The following SLIT3 variants were observed in gnomAD, a reference collection of about 807,000 sequenced individuals.
SLIT3 encodes slit guidance ligand 3.
In SLIT3, 68 loss-of-function variants were observed where a neutral mutation model predicts 184.0. That is an observed-to-expected ratio of 0.37 (90% CI 0.30 to 0.45). SLIT3 has a LOEUF of 0.45. Ranked by LOEUF, SLIT3 falls within the 20% of genes least tolerant of loss-of-function variation. The probability of loss-of-function intolerance (pLI) is 1.00; values close to 1 mark genes in which losing one functional copy is unlikely to be tolerated. For synonymous variants in SLIT3, 831 were observed against 828.6 expected (o/e 1.00, Z -0.05); for missense variants, 1,707 against 2,026.0 (o/e 0.84, Z 3.02).
At chr5:168,741,660 C>T (rs1283815879) in intron 20 of SLIT3, among the ~76,000 whole-genome samples, 5 of 151,974 alleles carry the variant, frequency 3.3e-5, no homozygotes, top group African/African-American at 7.3e-5. Context: ...CAACACAAGG[C>T]GATACCTGAG....
At chr5:168,812,621 C>T (rs1226086164) in intron 8 of SLIT3, among the ~76,000 whole-genome samples, 1 of 152,166 alleles carries the variant, frequency 6.6e-6, no homozygotes, top group Non-Finnish European at 1.5e-5. Context: ...TTCCAGTATT[C>T]AAATTAAGCA....
At chr5:169,221,649 G>C (rs893026902) in intron 3 of SLIT3, among the ~76,000 whole-genome samples, 8 of 152,206 alleles carry the variant, frequency 5.3e-5, no homozygotes, top group African/African-American at 1.9e-4. Flanking sequence ...CTCAGGTGAT[G>C]TGTGGTGTGT....
At chr5:169,081,304 G>A (rs961554976) in intron 4 of SLIT3, among the ~76,000 whole-genome samples, 1 of 152,196 alleles carries the variant, frequency 6.6e-6, no homozygotes, top group Non-Finnish European at 1.5e-5. Flanking sequence ...GGAGAGGAAG[G>A]AGGTTTCATG....
At chr5:168,920,583 T>C (rs1761604126) in intron 4 of SLIT3, among the ~76,000 whole-genome samples, 1 of 152,296 alleles carries the variant, frequency 6.6e-6, no homozygotes, top group Non-Finnish European at 1.5e-5. Context: ...TCAGTTTTAA[T>C]GCGTCTTTCC....
intron 8 of SLIT3, 30 bp from the exon 9 acceptor site, chr5:168,806,617 A>T: frequency 6.2e-7 from 1 of 1,612,882 alleles, no homozygotes; most frequent in East Asian, 2.2e-5. Flanking sequence ...CGGTCAACTT[A>T]TGTCAGTGTC....
chr5:169,291,017 T>C lies in SLIT3; in HGVS notation c.197+9496A>G, dbSNP rs185967174. ...TGGCAGACTTTCAGGAGCCACAGGATACACTGCTGCCAAAGTGCGGAATGA... is the reference window on the plus strand; with the variant it reads ...TGGCAGACTTTCAGGAGCCACAGGACACACTGCTGCCAAAGTGCGGAATGA... On this transcript the variant is annotated intron_variant, in intron 1 of 35. Transcript: ENST00000519560. Among the ~76,000 whole-genome samples, 3 of 152,222 alleles carry C rather than the reference T, an allele frequency of 2.0e-5. No individual in the cohort carries two copies. In the East Asian group the frequency reaches 5.8e-4, roughly 29 times the overall value.
intron 4 of SLIT3, among the ~76,000 whole-genome samples, chr5:169,069,828 G>A (rs1224741219): frequency 6.6e-6 from 1 of 152,112 alleles, no homozygotes; most frequent in Non-Finnish European, 1.5e-5. Context: ...GAACAGAGAA[G>A]CAGGCAGGCA....
chr5:168,769,387 A>G (rs1407480002), intron 14 of SLIT3, among the ~76,000 whole-genome samples: 1 of 152,158 alleles, frequency 6.6e-6, no homozygotes, highest in Non-Finnish European at 1.5e-5. Context: ...TGACATGAGA[A>G]CCAGTATCAA....
chr5:168,780,335 CTG>C (rs1353086770), intron 12 of SLIT3, among the ~76,000 whole-genome samples: 2 of 152,236 alleles, frequency 1.3e-5, no homozygotes, highest in African/African-American at 4.8e-5. Flanking sequence ...CCAGAAAAGA[CTG>C]TGGGATAGGA....
intron 6 of SLIT3, among the ~76,000 whole-genome samples, chr5:168,825,421 G>A (rs565659619): frequency 6.6e-6 from 1 of 152,254 alleles, no homozygotes; most frequent in Admixed American, 6.5e-5. Context: ...TCATCTGCGT[G>A]GTGAAAGGCA....
intron 4 of SLIT3, among the ~76,000 whole-genome samples, chr5:169,054,862 C>T (rs1351573905): frequency 1.3e-5 from 2 of 152,126 alleles, no homozygotes; most frequent in African/African-American, 4.8e-5. Flanking sequence ...CCCTGGAAAC[C>T]CCTGGCCTAG....
At chr5:168,936,291 G>T (rs1762155622) in intron 4 of SLIT3, among the ~76,000 whole-genome samples, 1 of 152,192 alleles carries the variant, frequency 6.6e-6, no homozygotes, top group African/African-American at 2.4e-5. Flanking sequence ...CTGGAGTTCA[G>T]TGGTGCAATC....
At chr5:168,981,192 G>T (rs1754933247) in intron 4 of SLIT3, among the ~76,000 whole-genome samples, 1 of 152,164 alleles carries the variant, frequency 6.6e-6, no homozygotes, top group Non-Finnish European at 1.5e-5. Flanking sequence ...CACAAGCAAA[G>T]TTGCTACAAT....
intron 4 of SLIT3, among the ~76,000 whole-genome samples, chr5:169,095,031 C>T (rs1759728459): frequency 6.6e-6 from 1 of 152,150 alleles, no homozygotes; most frequent in African/African-American, 2.4e-5. Context: ...GAGGAGGACA[C>T]GAAATGACTG....
chr5:168,774,421 A>G (rs567927932), intron 12 of SLIT3, 43 bp from the exon 13 acceptor site: 15 of 1,571,570 alleles, frequency 9.5e-6, no homozygotes, highest in Non-Finnish European at 1.3e-5. Context: ...AATCCTGGTA[A>G]TTACCTGCGG....
In SLIT3 at chr5:168,921,300, A is replaced by G. The variant is rs148174431; in HGVS notation, c.414-37964T>C. ...TTTACTTCTCTCACGCTTCCACTCC[A>G]AGGCGCATACCCAGGCTCATCCATT... On this transcript the variant is annotated intron_variant, in intron 4 of 35. Transcript: ENST00000519560. Among the ~76,000 whole-genome samples the G allele has an allele frequency of 2.4e-3, 362 of 152,278 alleles. 1 individual carries two copies. The highest frequency in any genetic ancestry group is 0.01 in the Middle Eastern group (3 of 294).
intron 29 of SLIT3, among the ~76,000 whole-genome samples, chr5:168,687,724 T>A (rs572342019): frequency 6.6e-6 from 1 of 152,370 alleles, no homozygotes; most frequent in East Asian, 1.9e-4. Flanking sequence ...TGATATGATA[T>A]GCTTTGTGTA....
chr5:169,012,472 G>A (rs1001251520), intron 4 of SLIT3: 1 of 152,162 alleles, frequency 6.6e-6, no homozygotes, highest in Non-Finnish European at 1.5e-5. Context: ...CCCTTCTTCC[G>A]CCCCAGGTCT....
chr5:169,030,212 C>T (rs912811177), intron 4 of SLIT3, among the ~76,000 whole-genome samples: 2 of 152,224 alleles, frequency 1.3e-5, no homozygotes, highest in Non-Finnish European at 2.9e-5. Context: ...CTGACTGCCC[C>T]TTGGCTAAAC....
Sources: allele counts gnomAD v4.1 joint callset (sites outside exome capture counted in the v4.1 genomes callset), GRCh38; gene constraint gnomAD v4.1.1; transcripts MANE v1.5; gene names NCBI Gene and HGNC (gene_info 2026-07-23, HGNC 2026-07-21).